NKAIN2: variants seen among roughly 807,000 people sequenced by gnomAD.
NKAIN2 encodes the protein sodium/potassium-transporting ATPase subunit beta-1-interacting protein 2.
Under a neutral mutation model 32.6 loss-of-function variants are expected in NKAIN2, and 14 were observed. The ratio of observed to expected loss-of-function variants is 0.43; its 90% CI spans 0.28 to 0.67. NKAIN2 has a LOEUF of 0.67. NKAIN2 is among the 30% of genes least tolerant of loss of function. The pLI is 0.17. For missense variants in NKAIN2, 198 were observed against 258.3 expected, an observed-to-expected ratio of 0.77 and a Z score of 1.60; for synonymous variants, 80 against 87.2, an observed-to-expected ratio of 0.92 and a Z score of 0.46.
chr6:123,939,171 T>C (rs992447589), intron 1 of NKAIN2, among the ~76,000 whole-genome samples: 2 of 151,798 alleles, frequency 1.3e-5, no homozygotes, highest in Non-Finnish European at 2.9e-5. Context: ...TCTGAATAAG[T>C]CTCTAATTTT....
chr6:124,568,936 C>T (rs1781024429), intron 3 of NKAIN2, among the ~76,000 whole-genome samples: 2 of 150,602 alleles, frequency 1.3e-5, no homozygotes, highest in South Asian at 4.2e-4. Flanking sequence ...ATCTGTTAAT[C>T]TGTTCTGTCC....
intron 1 of NKAIN2, among the ~76,000 whole-genome samples, chr6:124,110,846 G>T (rs1785351507): frequency 2.0e-5 from 3 of 152,036 alleles, no homozygotes; most frequent in African/African-American, 7.2e-5. Flanking sequence ...GAATAGCGCT[G>T]AGATGGACAT....
At chr6:123,847,146 C>T (rs939195425) in intron 1 of NKAIN2, among the ~76,000 whole-genome samples, 2 of 152,188 alleles carry the variant, frequency 1.3e-5, no homozygotes, top group Admixed American at 6.5e-5. Context: ...GTAGTGAACA[C>T]GTGTATATTT....
chr6:124,610,995 T>C (rs1782667921), intron 3 of NKAIN2, among the ~76,000 whole-genome samples: 1 of 152,166 alleles, frequency 6.6e-6, no homozygotes, highest in Non-Finnish European at 1.5e-5. Flanking sequence ...TTGACTTCAA[T>C]CTAAAACACT....
intron 1 of NKAIN2, among the ~76,000 whole-genome samples, chr6:124,085,332 AT>A (rs1429943464): frequency 6.6e-6 from 1 of 151,318 alleles, no homozygotes; most frequent in Admixed American, 6.6e-5. Flanking sequence ...TGAATTTGGC[AT>A]TAAAAAATAC....
chr6:123,931,298 G>A (rs748321887), intron 1 of NKAIN2, among the ~76,000 whole-genome samples: 15 of 151,866 alleles, frequency 9.9e-5, no homozygotes, highest in Non-Finnish European at 2.1e-4. Context: ...TTAATTCTTG[G>A]TCCCTTTTTT....
chr6:124,711,496 G>T (rs988755410), intron 4 of NKAIN2, among the ~76,000 whole-genome samples: 4 of 151,104 alleles, frequency 2.6e-5, no homozygotes, highest in East Asian at 1.9e-4. Context: ...AGTCCCATAT[G>T]TCTTGGAGTC....
At chr6:124,708,240 T>C (rs1583688121) in intron 4 of NKAIN2, among the ~76,000 whole-genome samples, 1 of 148,840 alleles carries the variant, frequency 6.7e-6, no homozygotes, top group South Asian at 2.2e-4. Flanking sequence ...TTTTGGTTAC[T>C]GTAGCCTTGT....
At chr6:124,215,663 A>AT (rs1289813952) in intron 1 of NKAIN2, among the ~76,000 whole-genome samples, 1 of 152,182 alleles carries the variant, frequency 6.6e-6, no homozygotes, top group Non-Finnish European at 1.5e-5. Flanking sequence ...CCTAACTGTC[A>AT]TAAGAGTAAG....
intron 1 of NKAIN2, among the ~76,000 whole-genome samples, chr6:124,133,400 C>A (rs555823890): frequency 1.9e-4 from 29 of 152,198 alleles, no homozygotes; most frequent in African/African-American, 6.5e-4. Flanking sequence ...GCTGAAGTAG[C>A]TCCCACTCTT....
chr6:124,330,064 A>G (rs989559060), intron 2 of NKAIN2, among the ~76,000 whole-genome samples: 8 of 152,178 alleles, frequency 5.3e-5, no homozygotes, highest in Non-Finnish European at 1.2e-4. Context: ...TTGGGGATTG[A>G]GCATTGCTCT....
intron 3 of NKAIN2, among the ~76,000 whole-genome samples, chr6:124,456,043 C>A (rs1019730045): frequency 5.9e-5 from 9 of 151,760 alleles, no homozygotes; most frequent in African/African-American, 2.2e-4. Context: ...TTGTAAGTGA[C>A]ATTTTTTTTT....
At chr6:124,060,437 AGAG>A (rs781261872) in intron 1 of NKAIN2, among the ~76,000 whole-genome samples, 24 of 152,288 alleles carry the variant, frequency 1.6e-4, no homozygotes, top group South Asian at 1.0e-3. Context: ...CATAGAAAAG[AGAG>A]GAGAAGCATA....
intron 1 of NKAIN2, among the ~76,000 whole-genome samples, chr6:124,069,216 C>T (rs185364808): frequency 3.3e-5 from 5 of 152,214 alleles, no homozygotes; most frequent in Non-Finnish European, 7.4e-5. Context: ...AACTTTATTA[C>T]CTCTTTTTTT....
chr6:124,549,189 AC>A (rs2114862781), intron 3 of NKAIN2, among the ~76,000 whole-genome samples: 1 of 151,866 alleles, frequency 6.6e-6, no homozygotes, highest in Admixed American at 6.6e-5. Flanking sequence ...ACATAGTAAA[AC>A]CCCGTCTCTA....
At chr6:124,346,385 T>C (rs1283541340) in intron 2 of NKAIN2, among the ~76,000 whole-genome samples, 1 of 152,280 alleles carries the variant, frequency 6.6e-6, no homozygotes, top group East Asian at 1.9e-4. Context: ...TTCCTGGGTA[T>C]CCCTGTCAAC....
rs147254148 is a variant in NKAIN2 at position 124,588,099 on chromosome 6, C to A, written c.274-70087C>A. 2.6e-3 allele frequency among the ~76,000 whole-genome samples: 400 copies of A among 152,264 alleles called. 1 individual carries two copies. Among genetic ancestry groups the A allele is most frequent in the African/African-American group, 9.0e-3 (376 of 41,554 alleles). ...CTGCAATATTCACTTGACTCTGTGT[C>A]ATTTAAGTCTCCGTGACTTTTTATA... On this transcript the variant is annotated intron_variant, in intron 3 of 6. Transcript: ENST00000368417.
At chr6:124,008,172 G>A (rs1052089779) in intron 1 of NKAIN2, among the ~76,000 whole-genome samples, 7 of 152,094 alleles carry the variant, frequency 4.6e-5, no homozygotes, top group Non-Finnish European at 7.4e-5. Flanking sequence ...CTCTCCGATC[G>A]CGCTGCTTTG....
intron 2 of NKAIN2, among the ~76,000 whole-genome samples, chr6:124,324,732 A>C: frequency 6.6e-6 from 1 of 151,968 alleles, no homozygotes; most frequent in Non-Finnish European, 1.5e-5. Context: ...TATCACATTG[A>C]GGAAATTCAC....
Sources: gnomAD v4.1 joint callset for allele counts (sites outside exome capture counted in the v4.1 genomes callset) on GRCh38, gnomAD v4.1.1 for gene constraint, MANE v1.5 for transcripts, NCBI Gene and HGNC (gene_info 2026-07-23, HGNC 2026-07-21) for gene names.